SOX5: variants seen among roughly 807,000 people sequenced by gnomAD.
The protein encoded by SOX5 is SRY-box transcription factor 5.
SOX5 carries 9 observed loss-of-function variants against 92.0 expected under a neutral mutation model. The observed-to-expected ratio is 0.10, with a 90% confidence interval of 0.06 to 0.17. The LOEUF is 0.17. Ranked by LOEUF, SOX5 falls within the 10% of genes least tolerant of loss-of-function variation. The pLI is 1.00. For synonymous variants in SOX5, 344 were observed against 336.3 expected (o/e 1.02, Z -0.25); for missense variants, 642 against 944.5 (o/e 0.68, Z 4.20).
At chr12:23,546,847 G>T (rs1943233388) in intron 11 of SOX5, among the ~76,000 whole-genome samples, 1 of 152,128 alleles carries the variant, frequency 6.6e-6, no homozygotes. Context: ...CCAAATAATA[G>T]AAACATAATT....
At chr12:23,602,382 T>C (rs2074618653) in intron 9 of SOX5, among the ~76,000 whole-genome samples, 1 of 152,122 alleles carries the variant, frequency 6.6e-6, no homozygotes. Context: ...CTAAATAAAA[T>C]CATTGTAGCG....
intron 8 of SOX5, among the ~76,000 whole-genome samples, chr12:23,620,758 C>T (rs540157408): frequency 6.6e-6 from 1 of 152,172 alleles, no homozygotes; most frequent in East Asian, 1.9e-4. Context: ...CAATAGGCTT[C>T]ATTTTCAATT....
rs1481596950 is a variant in SOX5 at position 23,977,829 on chromosome 12, A to G, written c.-1-81805T>C. ...CCATAACCCCGTTTTCACCCCACCT[A>G]TTGGTTCTAACTCTGTTAGAACTGT... On this transcript the variant is annotated intron_variant, in intron 4 of 4. Coordinates refer to the SOX5 transcript ENST00000446891. Among the ~76,000 whole-genome samples the G allele has an allele frequency of 2.6e-5, 4 of 152,080 alleles. No individual in the cohort carries two copies. In the East Asian group the frequency reaches 5.8e-4, roughly 22 times the overall value.
intron 1 of SOX5, among the ~76,000 whole-genome samples, chr12:24,376,388 C>G (rs1957262966): frequency 6.6e-6 from 1 of 152,148 alleles, no homozygotes; most frequent in African/African-American, 2.4e-5. Context: ...CTGGTTGACA[C>G]AACCTCTAAA....
chr12:24,532,137 T>C (rs986614402), intron 1 of SOX5, among the ~76,000 whole-genome samples: 8 of 152,328 alleles, frequency 5.3e-5, no homozygotes, highest in Non-Finnish European at 1.2e-4. Flanking sequence ...AATAATCCAT[T>C]TAAGGGGTGT....
intron 4 of SOX5, among the ~76,000 whole-genome samples, chr12:24,080,315 T>C (rs1943170510): frequency 6.6e-6 from 1 of 152,070 alleles, no homozygotes; most frequent in Admixed American, 6.6e-5. Flanking sequence ...ATTTCTATGA[T>C]TGCAATGCTA....
chr12:24,113,879 G>A (rs1947663998), intron 4 of SOX5, among the ~76,000 whole-genome samples: 1 of 152,176 alleles, frequency 6.6e-6, no homozygotes, highest in Non-Finnish European at 1.5e-5. Context: ...GGAAAGCTTG[G>A]CAGTTAATAG....
At chr12:23,590,014 C>T (rs950025771) in intron 9 of SOX5, among the ~76,000 whole-genome samples, 2 of 151,868 alleles carry the variant, frequency 1.3e-5, no homozygotes, top group Non-Finnish European at 2.9e-5. Context: ...AGTGGGGTGA[C>T]ATACAATGTA....
At chr12:24,306,630 C>T (rs184181108) in intron 2 of SOX5, among the ~76,000 whole-genome samples, 11 of 152,256 alleles carry the variant, frequency 7.2e-5, no homozygotes, top group South Asian at 2.1e-4. Context: ...GGAGAGGCAA[C>T]GCTGAGGCCA....
At chr12:24,083,136 C>T (rs1372693841) in intron 4 of SOX5, among the ~76,000 whole-genome samples, 1 of 151,964 alleles carries the variant, frequency 6.6e-6, no homozygotes, top group Non-Finnish European at 1.5e-5. Context: ...ATTCCCTAAT[C>T]AAACGGCTGA....
At chr12:24,233,610 G>T (rs985298508) in intron 3 of SOX5, among the ~76,000 whole-genome samples, 9 of 152,354 alleles carry the variant, frequency 5.9e-5, no homozygotes, top group African/African-American at 2.2e-4. Context: ...CCACACAGTT[G>T]TCTTTCCAAA....
chr12:23,706,659 T>C lies in SOX5; in HGVS notation c.810+28025A>G, dbSNP rs181077905. Reference sequence around the variant, plus strand: ...TTCAAAATAGGGCTAAAATTTTAAGTTAAAACACATAAGTCAATATAAAGA... The same window carrying C: ...TTCAAAATAGGGCTAAAATTTTAAGCTAAAACACATAAGTCAATATAAAGA... On this transcript the variant is annotated intron_variant, in intron 6 of 14. Transcript: ENST00000451604. 2.6e-4 allele frequency among the ~76,000 whole-genome samples: 40 copies of C among 152,148 alleles called. No individual in the cohort carries two copies. The East Asian group carries it at 7.7e-3, about 29-fold the overall frequency.
intron 4 of SOX5, among the ~76,000 whole-genome samples, chr12:24,130,654 A>G (rs1949557846): frequency 6.6e-6 from 1 of 152,224 alleles, no homozygotes; most frequent in Non-Finnish European, 1.5e-5. Context: ...GACAGGGTCC[A>G]GCACCTTCAG....
At chr12:24,252,954 A>G (rs1940434256) in intron 3 of SOX5, among the ~76,000 whole-genome samples, 7 of 152,202 alleles carry the variant, frequency 4.6e-5, no homozygotes, top group Admixed American at 2.0e-4. Flanking sequence ...GCAAAAACAA[A>G]TGAGAGCACA....
chr12:24,440,640 GA>G (rs1365144152), intron 1 of SOX5, among the ~76,000 whole-genome samples: 1 of 114,138 alleles, frequency 8.8e-6, no homozygotes, highest in Admixed American at 8.8e-5. Context: ...GTGTGTGTGT[GA>G]AGAACAGAAG....
intron 4 of SOX5, among the ~76,000 whole-genome samples, chr12:24,071,749 T>C (rs932309340): frequency 2.0e-5 from 3 of 152,146 alleles, no homozygotes; most frequent in Admixed American, 1.3e-4. Flanking sequence ...TGTTTTTTAA[T>C]CCATAGTACT....
At chr12:23,748,773 T>A (rs1298271064) in intron 4 of SOX5, among the ~76,000 whole-genome samples, 1 of 152,008 alleles carries the variant, frequency 6.6e-6, no homozygotes, top group Non-Finnish European at 1.5e-5. Flanking sequence ...TTAATTTTTT[T>A]ATGGAAATGT....
chr12:24,368,304 C>T (rs1057464109), intron 2 of SOX5: 1 of 152,136 alleles, frequency 6.6e-6, no homozygotes, highest in African/African-American at 2.4e-5. Context: ...ACAGACATGT[C>T]TCAGTGGCTT....
intron 8 of SOX5, among the ~76,000 whole-genome samples, chr12:23,611,547 A>G (rs902700634): frequency 4.6e-5 from 7 of 152,100 alleles, no homozygotes; most frequent in Non-Finnish European, 8.8e-5. Context: ...CTTTGGATAC[A>G]TGCCCAGAAG....
Sources: allele counts gnomAD v4.1 joint callset (sites outside exome capture counted in the v4.1 genomes callset), GRCh38; gene constraint gnomAD v4.1.1; transcripts MANE v1.5; gene names NCBI Gene and HGNC (gene_info 2026-07-23, HGNC 2026-07-21).